Variants in PREX1 observed in about 807,000 individuals in gnomAD.
PREX1 encodes phosphatidylinositol 3,4,5-trisphosphate-dependent Rac exchanger 1 protein.
PREX1 carries 41 observed loss-of-function variants against 198.3 expected under a neutral mutation model. That is an observed-to-expected ratio of 0.21 (90% CI 0.16 to 0.27). The LOEUF (loss-of-function observed/expected upper bound fraction) is 0.27. Ranked by LOEUF, PREX1 falls within the 10% of genes least tolerant of loss-of-function variation. PREX1 has a pLI of 1.00. For synonymous variants in PREX1, 843 were observed against 887.2 expected (o/e 0.95, Z 0.89); for missense variants, 1,620 against 2,200.7 (o/e 0.74, Z 5.28).
chr20:48,688,037 T>C (rs1944664619), intron 10 of PREX1, among the ~76,000 whole-genome samples: 1 of 152,052 alleles, frequency 6.6e-6, no homozygotes, highest in African/African-American at 2.4e-5. Flanking sequence ...GCAATACATT[T>C]CTGTTGTTTA....
chr20:48,696,047 G>A (rs1364740708), intron 7 of PREX1, among the ~76,000 whole-genome samples: 1 of 152,184 alleles, frequency 6.6e-6, no homozygotes, highest in Non-Finnish European at 1.5e-5. Flanking sequence ...CCTTTTCACA[G>A]TCTGTGGCTT....
At chr20:48,829,042 C>T (rs1885290), upstream of PREX1, among the ~76,000 whole-genome samples, 37,816 of 152,086 alleles carry the variant, frequency 0.25, 5,531 homozygotes, top group Non-Finnish European at 0.33. Context: ...ATCAGTATAA[C>T]GGGAACGATC....
chr20:48,867,598 C>T, the PREX1 span, among the ~76,000 whole-genome samples: 1 of 152,160 alleles, frequency 6.6e-6, no homozygotes, highest in East Asian at 1.9e-4. Context: ...ATAAAATTAG[C>T]TGGGTGTGGT....
At chr20:48,644,714 G>A (rs909155545) in intron 26 of PREX1, among the ~76,000 whole-genome samples, 3 of 152,372 alleles carry the variant, frequency 2.0e-5, no homozygotes, top group Admixed American at 1.3e-4. Context: ...ACGTTTCTAG[G>A]CTCTAGCACA....
rs978557004 is a variant in PREX1, at chr20:48,684,767, C to T, written c.1335-3432G>A. 2.0e-5 allele frequency among the ~76,000 whole-genome samples: 3 copies of T among 152,162 alleles called. No individual in the cohort carries two copies. Among genetic ancestry groups the T allele is most frequent in the African/African-American group, 7.2e-5 (3 of 41,438 alleles). On this transcript the variant is annotated intron_variant, in intron 10 of 39. Coordinates refer to ENST00000371941, the MANE Select transcript of PREX1 (RefSeq NM_020820.4). This position sits in a 1 kb window ranked among gnomAD's most constrained non-coding sequence, Gnocchi z 4.2. ...TGCCAAGGCCCTGCCTGAGGTGACC[C>T]ACTTTAACTGCTGAGGCCACATCTC...
At chr20:48,729,952 G>C (rs1048240840) in intron 4 of PREX1, among the ~76,000 whole-genome samples, 7 of 152,182 alleles carry the variant, frequency 4.6e-5, no homozygotes, top group African/African-American at 1.4e-4. Context: ...GAGGGGAGAA[G>C]ACACCAAAGA....
intron 9 of PREX1, among the ~76,000 whole-genome samples, chr20:48,690,082 G>C (rs1171396772): frequency 1.3e-5 from 2 of 152,198 alleles, no homozygotes; most frequent in Non-Finnish European, 2.9e-5. Context: ...TAGCAGTCGA[G>C]GGGAAGAGCA....
chr20:48,860,216 T>C, the PREX1 span, among the ~76,000 whole-genome samples: 1 of 152,206 alleles, frequency 6.6e-6, no homozygotes, highest in Non-Finnish European at 1.5e-5. Context: ...GACATTCTGA[T>C]ACATGCTACA....
At chr20:48,690,586 G>C (rs2089813541) in intron 9 of PREX1, among the ~76,000 whole-genome samples, 1 of 152,114 alleles carries the variant, frequency 6.6e-6, no homozygotes, top group Non-Finnish European at 1.5e-5. Flanking sequence ...TTAATGGGCA[G>C]CTCCAATGGA....
chr20:48,651,415 C>G lies in PREX1; in HGVS notation c.2636G>C (p.Cys879Ser), dbSNP rs771876138. Residue 879 changes from cysteine (C) to serine (S), a missense_variant, in exon 22 of 40, where the codon TGC (cysteine) becomes TCC (serine). Physicochemically the swap from Cys to Ser is moderately radical, Grantham distance 112. This residue lies in a region of PREX1 where 514 missense variants were observed against 611.6 expected (regional missense o/e 0.84). Transcript: ENST00000371941. ...GGAGACCTTGGCGGTGAGGCCGAAG[C>G]AGCCGCGGGGCTCCACGATCTTCTC... ...VLEKIVEPRG[C>S]FGLTAKILEA... 5 of 1,608,180 alleles carry G rather than the reference C, an allele frequency of 3.1e-6. No homozygotes were observed. The highest frequency in any genetic ancestry group is 4.3e-6 in the Non-Finnish European group (5 of 1,176,036).
At chr20:48,658,765 C>T (rs1371473216) in intron 16 of PREX1, among the ~76,000 whole-genome samples, 1 of 152,158 alleles carries the variant, frequency 6.6e-6, no homozygotes, top group African/African-American at 2.4e-5. Context: ...GGAATTAAAG[C>T]ACTTAATGGG....
chr20:48,795,100 G>A (rs149470038), intron 1 of PREX1, among the ~76,000 whole-genome samples: 18 of 152,174 alleles, frequency 1.2e-4, no homozygotes, highest in Non-Finnish European at 1.8e-4. Context: ...TTTGATGACC[G>A]GCTTACTGTC....
At chr20:48,730,124 C>T (rs1245063802) in intron 4 of PREX1, among the ~76,000 whole-genome samples, 2 of 152,094 alleles carry the variant, frequency 1.3e-5, no homozygotes, top group Admixed American at 1.3e-4. Context: ...GCCTCCACAA[C>T]TGAAAGAGAA....
intron 10 of PREX1, among the ~76,000 whole-genome samples, chr20:48,685,136 C>T (rs2089776538): frequency 6.6e-6 from 1 of 152,196 alleles, no homozygotes; most frequent in Non-Finnish European, 1.5e-5. Flanking sequence ...GGATGCTTAC[C>T]TCTATGAGGG....
At chr20:48,849,514 A>T in the PREX1 span, 2 of 152,220 alleles carry the variant, frequency 1.3e-5, no homozygotes, top group African/African-American at 2.4e-5. Flanking sequence ...TCACTGCTAG[A>T]TTCCCAGTGT....
rs2089641092 is a variant in PREX1, at chr20:48,666,441, G to C, written c.1666-86C>G. On this transcript the variant is annotated intron_variant, in intron 14 of 39. Transcript: ENST00000371941. The surrounding 1 kb of genome is among the most constrained non-coding windows in gnomAD (Gnocchi z 4.3). ...CAACGAGAAGCCCACAACCACCCAA[G>C]AAGGTAGGCTCCACGAGGGCCAGGG... is the stretch of plus-strand genomic sequence containing the variant. 18 of 1,174,482 alleles carry C rather than the reference G, an allele frequency of 1.5e-5. No homozygotes were observed. The East Asian group carries it at 4.6e-4, about 30-fold the overall frequency. 72.8% of individuals were successfully genotyped at this position (1,174,482 alleles called of 1,614,324 possible).
chr20:48,774,309 C>T (rs1039508568), intron 1 of PREX1, among the ~76,000 whole-genome samples: 4 of 152,200 alleles, frequency 2.6e-5, no homozygotes, highest in African/African-American at 2.4e-5. Flanking sequence ...GACACCAGAG[C>T]GGAGGCCTGA....
the PREX1 span, among the ~76,000 whole-genome samples, chr20:48,863,858 C>T: frequency 6.6e-6 from 1 of 152,156 alleles, no homozygotes; most frequent in South Asian, 2.1e-4. Context: ...GCTGAGATTA[C>T]AGGCATGAGC....
intron 1 of PREX1, among the ~76,000 whole-genome samples, chr20:48,794,061 A>G (rs2090349959): frequency 6.6e-6 from 1 of 152,164 alleles, no homozygotes; most frequent in Non-Finnish European, 1.5e-5. Context: ...CCCATGGGAC[A>G]AGAGGACCCC....
Sources: gnomAD v4.1 joint callset for allele counts (sites outside exome capture counted in the v4.1 genomes callset) on GRCh38, gnomAD v4.1.1 for gene constraint, gnomAD v4.1.1 regional missense constraint, Gnocchi (gnomAD v3.1) non-coding constraint, MANE v1.5 for transcripts, NCBI Gene and HGNC (gene_info 2026-07-23, HGNC 2026-07-21) for gene names.